The following HDAC9 variants were observed in gnomAD, a reference collection of about 807,000 sequenced individuals.
HDAC9 encodes MEF-2 interacting transcription repressor (MITR) protein.
HDAC9 carries 41 observed loss-of-function variants against 139.4 expected under a neutral mutation model. That is an observed-to-expected ratio of 0.29 (90% confidence interval 0.23 to 0.38). HDAC9 has a LOEUF of 0.38. Among genes scored for constraint, HDAC9 ranks in the 10% least tolerant of loss-of-function variants. The pLI is 1.00. For missense variants in HDAC9, 1,147 were observed against 1,297.0 expected (o/e 0.88, Z 1.78); for synonymous variants, 517 against 476.2 (o/e 1.09, Z -1.12).
chr7:18,737,123 C>G (rs1334182196), intron 13 of HDAC9, among the ~76,000 whole-genome samples: 3 of 152,086 alleles, frequency 2.0e-5, no homozygotes, highest in Non-Finnish European at 4.4e-5. Flanking sequence ...ATTCTTCTCT[C>G]TTTTCTTCTT....
chr7:18,565,634 T>C (rs929288323), intron 2 of HDAC9, among the ~76,000 whole-genome samples: 3 of 151,430 alleles, frequency 2.0e-5, no homozygotes, highest in Non-Finnish European at 4.4e-5. Flanking sequence ...GGTACTTCTG[T>C]AGAAAAAAAG....
intron 2 of HDAC9, among the ~76,000 whole-genome samples, chr7:18,241,672 A>G (rs1426754170): frequency 6.6e-6 from 1 of 152,232 alleles, no homozygotes; most frequent in Non-Finnish European, 1.5e-5. Flanking sequence ...TGTTCTGGTC[A>G]CTTGGCTCAA....
intron 1 of HDAC9, among the ~76,000 whole-genome samples, chr7:18,330,747 C>T (rs1449855762): frequency 6.6e-6 from 1 of 151,658 alleles, no homozygotes; most frequent in Non-Finnish European, 1.5e-5. Flanking sequence ...AAAATAGAAA[C>T]TGCTGACAGT....
chr7:18,687,620 C>G (rs1196722060), intron 12 of HDAC9, among the ~76,000 whole-genome samples: 2 of 151,728 alleles, frequency 1.3e-5, no homozygotes, highest in African/African-American at 4.8e-5. Context: ...TTGATATTCA[C>G]TATGGAATAA....
At chr7:18,774,330 T>C (rs547446041) in intron 16 of HDAC9, among the ~76,000 whole-genome samples, 1 of 152,148 alleles carries the variant, frequency 6.6e-6, no homozygotes, top group Admixed American at 6.6e-5. Context: ...GTGAATTTAT[T>C]CTGTTATATT....
chr7:18,163,187 C>A (rs1265694934), intron 2 of HDAC9, among the ~76,000 whole-genome samples: 1 of 152,164 alleles, frequency 6.6e-6, no homozygotes, highest in Non-Finnish European at 1.5e-5. Context: ...GATTGCCACA[C>A]CCAAGTTAGC....
chr7:18,179,768 C>T (rs1190451869), intron 2 of HDAC9, among the ~76,000 whole-genome samples: 2 of 152,178 alleles, frequency 1.3e-5, no homozygotes, highest in Non-Finnish European at 2.9e-5. Context: ...TTTAGTAAAT[C>T]TCCCTTTGTC....
chr7:18,713,987 A>G (rs929484946), intron 12 of HDAC9, among the ~76,000 whole-genome samples: 4 of 152,210 alleles, frequency 2.6e-5, no homozygotes, highest in African/African-American at 4.8e-5. Flanking sequence ...ACCTGATACT[A>G]TGAACGTTTA....
chr7:18,460,969 C>A (rs1167686532), intron 1 of HDAC9, among the ~76,000 whole-genome samples: 1 of 151,830 alleles, frequency 6.6e-6, no homozygotes, highest in East Asian at 1.9e-4. Context: ...GGAAAATAAG[C>A]AATGATTTCT....
At chr7:18,700,571 T>A (rs1242178813) in intron 12 of HDAC9, among the ~76,000 whole-genome samples, 2 of 152,216 alleles carry the variant, frequency 1.3e-5, no homozygotes, top group African/African-American at 2.4e-5. Context: ...GTTGGCAACC[T>A]TTTGCTCTGT....
chr7:18,177,175 A>C (rs564697735), intron 2 of HDAC9, among the ~76,000 whole-genome samples: 5 of 152,130 alleles, frequency 3.3e-5, no homozygotes, highest in African/African-American at 9.7e-5. Context: ...GGTCTATATA[A>C]GTAAGTTATG....
At chr7:18,560,168 C>T (rs944962672) in intron 2 of HDAC9, among the ~76,000 whole-genome samples, 1 of 152,098 alleles carries the variant, frequency 6.6e-6, no homozygotes, top group Non-Finnish European at 1.5e-5. Context: ...TAATTGGGCT[C>T]AGACTGATCT....
intron 17 of HDAC9, among the ~76,000 whole-genome samples, chr7:18,799,545 T>C (rs1032532845): frequency 3.3e-5 from 5 of 152,204 alleles, no homozygotes; most frequent in Non-Finnish European, 5.9e-5. Flanking sequence ...TATGAGGATG[T>C]ATGACTCTAT....
At chr7:18,534,573 AAG>A (rs1263817170) in intron 2 of HDAC9, among the ~76,000 whole-genome samples, 1 of 152,080 alleles carries the variant, frequency 6.6e-6, no homozygotes, top group Non-Finnish European at 1.5e-5. Flanking sequence ...GAGAGAGAAA[AAG>A]AGAGAATCCT....
chr7:18,424,008 A>G (rs1789880190), intron 1 of HDAC9, among the ~76,000 whole-genome samples: 1 of 152,232 alleles, frequency 6.6e-6, no homozygotes, highest in Admixed American at 6.5e-5. Flanking sequence ...AACCTTCTTA[A>G]TTATGAAGGT....
At chr7:18,864,502 T>C (rs1417323242) in intron 21 of HDAC9, among the ~76,000 whole-genome samples, 3 of 151,970 alleles carry the variant, frequency 2.0e-5, no homozygotes, top group African/African-American at 4.8e-5. Flanking sequence ...TGTAGGATGA[T>C]GAAGTTCTAG....
chr7:18,441,882 C>T (rs1791801527), intron 1 of HDAC9, among the ~76,000 whole-genome samples: 1 of 152,154 alleles, frequency 6.6e-6, no homozygotes, highest in South Asian at 2.1e-4. Context: ...ATTCTCCTGC[C>T]TCAGCCTCCC....
intron 1 of HDAC9, among the ~76,000 whole-genome samples, chr7:18,412,957 A>G (rs1326065574): frequency 1.3e-5 from 2 of 152,228 alleles, no homozygotes; most frequent in Admixed American, 6.5e-5. Flanking sequence ...AATTCAAACT[A>G]CATTAGAAAC....
chr7:18,799,738 A>G (rs182451106), intron 17 of HDAC9, among the ~76,000 whole-genome samples: 1 of 152,346 alleles, frequency 6.6e-6, no homozygotes, highest in East Asian at 1.9e-4. Flanking sequence ...GGAAGAAAAG[A>G]GAATGAAGAA....
Sources: gnomAD v4.1 joint callset for allele counts (sites outside exome capture counted in the v4.1 genomes callset) on GRCh38, gnomAD v4.1.1 for gene constraint, MANE v1.5 for transcripts, NCBI Gene and HGNC (gene_info 2026-07-23, HGNC 2026-07-21) for gene names.